The following TYW1B variants were observed in gnomAD, a reference collection of about 807,000 sequenced individuals.
TYW1B encodes S-adenosyl-L-methionine-dependent tRNA 4-demethylwyosine synthase TYW1B.
TYW1B carries 73 observed loss-of-function variants against 86.9 expected under a neutral mutation model. That is an observed-to-expected ratio of 0.84 (90% CI 0.70 to 1.02). TYW1B has a LOEUF of 1.02. Ranked by LOEUF, TYW1B falls within the 50% of genes least tolerant of loss-of-function variation. TYW1B has a pLI of 0.00. For missense variants in TYW1B, 637 were observed against 827.4 expected (o/e 0.77, Z 2.82); for synonymous variants, 248 against 292.8 (o/e 0.85, Z 1.56).
At chr7:72,698,740 C>T (rs1322636229) in intron 10 of TYW1B, among the ~76,000 whole-genome samples, 6 of 152,184 alleles carry the variant, frequency 3.9e-5, no homozygotes, top group Admixed American at 6.5e-5. Flanking sequence ...TTCTCCTAAC[C>T]CTGCACCATG....
At chr7:72,749,006 T>C (rs1378110940) in intron 7 of TYW1B, among the ~76,000 whole-genome samples, 18 of 152,126 alleles carry the variant, frequency 1.2e-4, no homozygotes, top group Non-Finnish European at 2.5e-4. Context: ...AAAACTGGCA[T>C]TAATTCTTCA....
At chr7:72,799,751 C>T (rs1554475290) in intron 6 of TYW1B, among the ~76,000 whole-genome samples, 1 of 152,150 alleles carries the variant, frequency 6.6e-6, no homozygotes, top group Non-Finnish European at 1.5e-5. Context: ...AGGCATGAGC[C>T]ACCGCACCTG....
intron 13 of TYW1B, among the ~76,000 whole-genome samples, chr7:72,593,749 G>T (rs1811457648): frequency 6.7e-6 from 1 of 149,080 alleles, no homozygotes; most frequent in African/African-American, 2.5e-5. Flanking sequence ...GTGAACCCGG[G>T]AGGCGGAGCT....
chr7:72,599,578 G>C (rs1554433284), intron 13 of TYW1B, among the ~76,000 whole-genome samples: 1 of 152,064 alleles, frequency 6.6e-6, no homozygotes, highest in African/African-American at 2.4e-5. Flanking sequence ...AGATTAGGAA[G>C]GAGGAAATAA....
intron 13 of TYW1B, among the ~76,000 whole-genome samples, chr7:72,601,148 TAAAAAA>T (rs71517344): frequency 6.9e-6 from 1 of 145,028 alleles, no homozygotes. Flanking sequence ...TCTCAAAATA[TAAAAAA>T]AAAAAATAAA....
intron 13 of TYW1B, among the ~76,000 whole-genome samples, chr7:72,608,311 A>T (rs1554435244): frequency 6.6e-6 from 1 of 152,218 alleles, no homozygotes; most frequent in African/African-American, 2.4e-5. Flanking sequence ...TTTCTAAGTT[A>T]CCTTTGATAG....
At chr7:72,769,534 A>G (rs2129571858) in intron 7 of TYW1B, among the ~76,000 whole-genome samples, 1 of 152,332 alleles carries the variant, frequency 6.6e-6, no homozygotes, top group Non-Finnish European at 1.5e-5. Context: ...TACAAAAAAC[A>G]CTAACCATAA....
chr7:72,763,387 A>T (rs1787720439), intron 7 of TYW1B, among the ~76,000 whole-genome samples: 1 of 146,838 alleles, frequency 6.8e-6, no homozygotes, highest in South Asian at 2.1e-4. Flanking sequence ...GGTTCAAGCG[A>T]TTCTCCTGCC....
intron 9 of TYW1B, among the ~76,000 whole-genome samples, chr7:72,721,123 C>T (rs1786892530): frequency 6.6e-6 from 1 of 151,998 alleles, no homozygotes; most frequent in South Asian, 2.1e-4. Flanking sequence ...GTATATGTGC[C>T]ACATTTTCTT....
At chr7:72,595,004 C>T (rs56072129) in intron 13 of TYW1B, among the ~76,000 whole-genome samples, 34,298 of 151,946 alleles carry the variant, frequency 0.23, 4,523 homozygotes, top group African/African-American at 0.37. Context: ...GTAATAAAAG[C>T]CACATATGAA....
At chr7:72,781,071 G>A (rs755738085) in intron 6 of TYW1B, among the ~76,000 whole-genome samples, 18 of 151,958 alleles carry the variant, frequency 1.2e-4, no homozygotes, top group Non-Finnish European at 2.2e-4. Flanking sequence ...GCCAAGTTCT[G>A]TAACCACATA....
At chr7:72,691,979 G>T (rs1415504942) in intron 11 of TYW1B, among the ~76,000 whole-genome samples, 1 of 152,002 alleles carries the variant, frequency 6.6e-6, no homozygotes, top group East Asian at 1.9e-4. Context: ...GTTGAGGCAG[G>T]CGGATCACTT....
At chr7:72,691,901 C>T (rs1199023539) in intron 11 of TYW1B, among the ~76,000 whole-genome samples, 1 of 151,974 alleles carries the variant, frequency 6.6e-6, no homozygotes, top group African/African-American at 2.4e-5. Context: ...TGAGTTTCCA[C>T]CCATTCATTC....
chr7:72,642,069 C>T (rs1281302253), intron 11 of TYW1B, among the ~76,000 whole-genome samples: 2 of 152,154 alleles, frequency 1.3e-5, no homozygotes, highest in African/African-American at 4.8e-5. Context: ...ACAAATAAAA[C>T]CCATACACTT....
chr7:72,800,215 T>G (rs1788380999), intron 6 of TYW1B, among the ~76,000 whole-genome samples: 1 of 151,652 alleles, frequency 6.6e-6, no homozygotes, highest in African/African-American at 2.4e-5. Context: ...TTTTTTTTTT[T>G]GAAACAAGGT....
intron 12 of TYW1B, among the ~76,000 whole-genome samples, chr7:72,618,656 A>C (rs1215154321): frequency 1.3e-5 from 2 of 152,194 alleles, no homozygotes; most frequent in Non-Finnish European, 2.9e-5. Context: ...CTGGTGCACT[A>C]AACTGTGATG....
intron 7 of TYW1B, among the ~76,000 whole-genome samples, chr7:72,773,046 A>T (rs1787894646): frequency 6.6e-6 from 1 of 152,218 alleles, no homozygotes; most frequent in Admixed American, 6.5e-5. Context: ...AGATCCCCAG[A>T]AGAAATTCTA....
chr7:72,659,439 G>A (rs1201217125), intron 11 of TYW1B, among the ~76,000 whole-genome samples: 8 of 152,156 alleles, frequency 5.3e-5, no homozygotes, highest in East Asian at 1.9e-4. Flanking sequence ...TGAGCCAGGC[G>A]TGGTGGCCCA....
chr7:72,603,989 A>C (rs1232956196), intron 13 of TYW1B, among the ~76,000 whole-genome samples: 1 of 152,140 alleles, frequency 6.6e-6, no homozygotes, highest in Non-Finnish European at 1.5e-5. Flanking sequence ...AAATCTAAAT[A>C]AACTGTGGAC....
Sources: allele counts gnomAD v4.1 joint callset (sites outside exome capture counted in the v4.1 genomes callset), GRCh38; gene constraint gnomAD v4.1.1; transcripts MANE v1.5; gene names NCBI Gene and HGNC (gene_info 2026-07-23, HGNC 2026-07-21).